ASNS: variants seen among roughly 807,000 people sequenced by gnomAD.
The protein encoded by ASNS is asparagine synthetase [glutamine-hydrolyzing].
In ASNS, 37 loss-of-function variants were observed where a neutral mutation model predicts 62.6. That is an observed-to-expected ratio of 0.59 (90% confidence interval 0.45 to 0.78). ASNS has a LOEUF of 0.78. Among genes scored for constraint, ASNS ranks in the 30% least tolerant of loss-of-function variants. The pLI is 0.00. For synonymous variants in ASNS, 207 were observed against 237.9 expected, an observed-to-expected ratio of 0.87 and a Z score of 1.19; for missense variants, 520 against 682.4, an observed-to-expected ratio of 0.76 and a Z score of 2.65.
the ASNS span, among the ~76,000 whole-genome samples, chr7:97,897,342 G>A: frequency 1.3e-5 from 2 of 152,188 alleles, no homozygotes; most frequent in African/African-American, 4.8e-5. Flanking sequence ...GTAGTGATGG[G>A]CAAAGAGTTC....
At chr7:97,897,713 T>C in the ASNS span, among the ~76,000 whole-genome samples, 1 of 152,098 alleles carries the variant, frequency 6.6e-6, no homozygotes, top group Non-Finnish European at 1.5e-5. Flanking sequence ...CTCAAAAAAC[T>C]AAGAACAGAT....
rs1324747469 is a variant in ASNS, at chr7:97,852,454, C to T, written c.1491G>A (p.Met497Ile). The change falls in exon 13 of 13, where the codon ATG (methionine) becomes ATA (isoleucine). Residue 497 changes from methionine to isoleucine, a missense_variant. Coordinates refer to ENST00000394308, the MANE Select transcript of ASNS (RefSeq NM_001673.5). ...EYVEHQVDDAMMANAAQKFPF... is the reference protein window; with the variant it reads ...EYVEHQVDDAIMANAAQKFPF... ...GAAATTTCTGGGCTGCATTTGCCAT[C>T]ATTGCATCATCAACCTGTAAGAATA... is the stretch of plus-strand genomic sequence containing the variant. The T allele has an allele frequency of 2.5e-6, 4 of 1,613,980 alleles. No homozygotes were observed. The Admixed American group carries it at 6.7e-5, about 27-fold the overall frequency.
chr7:97,870,187 G>C (rs1223215554), intron 1 of ASNS: 4 of 979,970 alleles, frequency 4.1e-6, no homozygotes, highest in Non-Finnish European at 5.6e-6. Flanking sequence ...TTTGGGCCCT[G>C]TTTGGCAGTG....
the ASNS span, among the ~76,000 whole-genome samples, chr7:97,916,945 C>T: frequency 6.6e-6 from 1 of 152,118 alleles, no homozygotes; most frequent in Admixed American, 6.5e-5. Flanking sequence ...TGCCTAGGCC[C>T]CTGGGGCTGA....
At chr7:97,925,098 C>T in the ASNS span, among the ~76,000 whole-genome samples, 3 of 152,208 alleles carry the variant, frequency 2.0e-5, no homozygotes, top group Non-Finnish European at 2.9e-5. Flanking sequence ...GATCATGCCA[C>T]TGCACTCCAG....
chr7:97,905,565 C>A, the ASNS span, among the ~76,000 whole-genome samples: 1 of 152,186 alleles, frequency 6.6e-6, no homozygotes, highest in Non-Finnish European at 1.5e-5. Context: ...AAGCCCCCAA[C>A]ACCCATCCCT....
At chr7:97,866,051 G>A (rs1791951292) in intron 3 of ASNS, among the ~76,000 whole-genome samples, 1 of 152,176 alleles carries the variant, frequency 6.6e-6, no homozygotes, top group African/African-American at 2.4e-5. Context: ...CAGATTTTCA[G>A]ATTAGGGATG....
At chr7:97,852,980 A>G (rs2115589357) in intron 12 of ASNS, 80 bp downstream of exon 12, 2 of 1,362,048 alleles carry the variant, frequency 1.5e-6, no homozygotes, top group South Asian at 3.1e-5. Context: ...TATCATTCAA[A>G]CTAAATACAA....
rs1049674 is a variant in ASNS, at chr7:97,859,257, A to T, written c.629T>A (p.Val210Glu). 0.76 allele frequency: 1,224,454 copies of T among 1,613,784 alleles called. 467,908 individuals carry two copies. The highest frequency in any genetic ancestry group is 0.95 in the African/African-American group (71,301 of 75,008). The change falls in exon 5 of 13, where the codon GTA (valine) becomes GAA (glutamate). Residue 210 changes from valine to glutamate, a missense_variant. Transcript: ENST00000394308. ...EMVKYHHCRDVPLHALYDNVE... is the reference protein window; with the variant it reads ...EMVKYHHCRDEPLHALYDNVE... ...ATTGTCATAGAGGGCGTGCAGGGGT[A>T]CATCCCGACAGTGATGATATTTAAC...
chr7:97,866,391 CGGT>C (rs1791971886), intron 3 of ASNS, among the ~76,000 whole-genome samples: 1 of 152,178 alleles, frequency 6.6e-6, no homozygotes, highest in South Asian at 2.1e-4. Flanking sequence ...GATAAAATGA[CGGT>C]GGCGCTTTAT....
At chr7:97,884,971 T>G in the ASNS span, among the ~76,000 whole-genome samples, 1 of 152,202 alleles carries the variant, frequency 6.6e-6, no homozygotes, top group African/African-American at 2.4e-5. Flanking sequence ...CAATCTCGGC[T>G]CACTGCAACC....
chr7:97,886,294 G>A, the ASNS span, among the ~76,000 whole-genome samples: 9 of 152,048 alleles, frequency 5.9e-5, no homozygotes, highest in Non-Finnish European at 8.8e-5. Flanking sequence ...GACTACAGGC[G>A]TGTGCACCAT....
chr7:97,857,616 T>TAAAAA (rs566620938), intron 7 of ASNS, among the ~76,000 whole-genome samples: 1 of 116,148 alleles, frequency 8.6e-6, no homozygotes, highest in Non-Finnish European at 1.7e-5. Context: ...CCTTTACGTT[T>TAAAAA]AAAAAAAAAA....
chr7:97,884,481 A>AGAGGTTGCCGTGAGCC, the ASNS span, among the ~76,000 whole-genome samples: 1 of 152,126 alleles, frequency 6.6e-6, no homozygotes, highest in African/African-American at 2.4e-5. Context: ...CTCGGGAGGC[A>AGAGGTTGCCGTGAGCC]GAGGTTGCCG....
At chr7:97,856,636 A>AT in intron 8 of ASNS, 54 bp downstream of exon 8, 7 of 1,436,854 alleles carry the variant, frequency 4.9e-6, no homozygotes, top group Admixed American at 2.3e-5. Context: ...TAAACCTTAC[A>AT]TTTTTTTCAG....
chr7:97,917,216 C>CA, the ASNS span, among the ~76,000 whole-genome samples: 3,626 of 113,476 alleles, frequency 0.032, 42 homozygotes, highest in African/African-American at 0.072. Context: ...ATATTTGCAC[C>CA]AAAAAAAAAA....
intron 1 of ASNS, among the ~76,000 whole-genome samples, chr7:97,870,984 GC>G (rs1193500960): frequency 1.3e-5 from 2 of 152,118 alleles, no homozygotes; most frequent in African/African-American, 4.8e-5. Context: ...AGTTCCTACT[GC>G]CGCTACCTGT....
chr7:97,896,626 A>G, the ASNS span, among the ~76,000 whole-genome samples: 1 of 132,134 alleles, frequency 7.6e-6, no homozygotes, highest in South Asian at 2.5e-4. Flanking sequence ...CCACATATAT[A>G]TATGTATATA....
chr7:97,855,365 T>A lies in ASNS; in HGVS notation c.1125A>T (p.Ile375=). The change falls in exon 9 of 13, where the codon ATA becomes ATT. Residue 375 remains isoleucine (I), a synonymous_variant. Coordinates refer to ENST00000394308, the MANE Select transcript of ASNS (RefSeq NM_001673.5). ...EGSDELTQGY[I]YFHKAPSPEK... ...TCAGAGTGGTTACCTTGTGAAAATA[T>A]ATGTAACCCTGCGTAAGTTCATCTG... The A allele has an allele frequency of 1.9e-6, 3 of 1,610,480 alleles. No homozygotes were observed. Among genetic ancestry groups the A allele is most frequent in the Non-Finnish European group, 2.5e-6 (3 of 1,177,406 alleles).
Sources: gnomAD v4.1 joint callset for allele counts (sites outside exome capture counted in the v4.1 genomes callset) on GRCh38, gnomAD v4.1.1 for gene constraint, MANE v1.5 for transcripts, NCBI Gene and HGNC (gene_info 2026-07-23, HGNC 2026-07-21) for gene names.